Variants in CHLSN observed in about 807,000 individuals in gnomAD.
The protein encoded by CHLSN is cholesin.
the CHLSN span, among the ~76,000 whole-genome samples, chr7:1,122,466 C>G: frequency 2.0e-5 from 3 of 152,206 alleles, no homozygotes; most frequent in African/African-American, 7.2e-5. Context: ...CCTTCCCCCG[C>G]ATACGGCTCC....
the CHLSN span, among the ~76,000 whole-genome samples, chr7:1,005,381 T>C: frequency 6.6e-6 from 1 of 152,222 alleles, no homozygotes; most frequent in African/African-American, 2.4e-5. Flanking sequence ...TGAGACAGCA[T>C]CTGAAGCCGG....
the CHLSN span, among the ~76,000 whole-genome samples, chr7:1,010,401 C>T: frequency 6.6e-6 from 1 of 152,236 alleles, no homozygotes; most frequent in Non-Finnish European, 1.5e-5. Context: ...CCTTCCCCAC[C>T]CCCGTGGTCC....
At chr7:1,122,272 G>C in the CHLSN span, among the ~76,000 whole-genome samples, 4 of 152,216 alleles carry the variant, frequency 2.6e-5, no homozygotes, top group Non-Finnish European at 4.4e-5. Flanking sequence ...GGATTCTTAC[G>C]AGGCAGAGGA....
the CHLSN span, among the ~76,000 whole-genome samples, chr7:1,112,908 G>A: frequency 8.3e-3 from 1,257 of 152,246 alleles, 10 homozygotes; most frequent in Non-Finnish European, 0.012. Context: ...CGATGGAAAC[G>A]TATGCTCAGG....
At chr7:1,112,786 T>C in the CHLSN span, among the ~76,000 whole-genome samples, 1 of 151,046 alleles carries the variant, frequency 6.6e-6, no homozygotes, top group Non-Finnish European at 1.5e-5. Flanking sequence ...GTGCTTGCAG[T>C]GCGAACGCAA....
the CHLSN span, among the ~76,000 whole-genome samples, chr7:1,105,192 A>G: frequency 6.6e-6 from 1 of 152,206 alleles, no homozygotes; most frequent in Non-Finnish European, 1.5e-5. Flanking sequence ...CTGGAATAAA[A>G]TCTCACTTCA....
the CHLSN span, among the ~76,000 whole-genome samples, chr7:1,016,656 CAG>C: frequency 5.3e-4 from 37 of 70,216 alleles, no homozygotes; most frequent in African/African-American, 1.4e-3. Context: ...CAGCAGCACA[CAG>C]CAGCGCACAG....
the CHLSN span, among the ~76,000 whole-genome samples, chr7:1,055,684 C>T: frequency 1.3e-5 from 2 of 152,172 alleles, no homozygotes; most frequent in African/African-American, 4.8e-5. Flanking sequence ...GGTCCCGGCC[C>T]TTGGCAAGCT....
the CHLSN span, chr7:988,551 TGTGCTC>T: frequency 1.3e-6 from 2 of 1,597,800 alleles, no homozygotes; most frequent in Non-Finnish European, 1.7e-6. Flanking sequence ...TGGCTGCTCC[TGTGCTC>T]CCCTGGGGAG....
the CHLSN span, among the ~76,000 whole-genome samples, chr7:1,090,472 C>T: frequency 9.9e-5 from 15 of 151,596 alleles, 1 homozygote; most frequent in Middle Eastern, 3.4e-3. Context: ...CAGGGTGACA[C>T]GGGGTGGGTG....
chr7:1,032,638 A>AC, the CHLSN span, among the ~76,000 whole-genome samples: 128 of 147,174 alleles, frequency 8.7e-4, no homozygotes, highest in African/African-American at 3.0e-3. Flanking sequence ...ACCTCCAGGC[A>AC]CCCCCAGGTG....
the CHLSN span, among the ~76,000 whole-genome samples, chr7:1,135,956 T>TAAGTATATATAAATATATAA: frequency 8.7e-6 from 1 of 115,014 alleles, no homozygotes; most frequent in African/African-American, 3.7e-5. Flanking sequence ...TAAATATATA[T>TAAGTATATATAAATATATAA]AAATATATAT....
the CHLSN span, among the ~76,000 whole-genome samples, chr7:1,016,894 G>GCACGCCAGCA: frequency 1.5e-5 from 1 of 64,914 alleles, no homozygotes; most frequent in African/African-American, 1.1e-4. Flanking sequence ...ACACACCAGC[G>GCACGCCAGCA]CACAGCAGCA....
the CHLSN span, among the ~76,000 whole-genome samples, chr7:1,022,276 C>T: frequency 6.6e-6 from 1 of 152,194 alleles, no homozygotes; most frequent in African/African-American, 2.4e-5. Context: ...ACCACGAGCT[C>T]CTCTTTCTCC....
chr7:1,112,472 G>A, the CHLSN span, among the ~76,000 whole-genome samples: 5 of 152,222 alleles, frequency 3.3e-5, no homozygotes, highest in Non-Finnish European at 7.3e-5. Flanking sequence ...AGAGACCACA[G>A]GAGTGCCCCA....
the CHLSN span, among the ~76,000 whole-genome samples, chr7:1,074,268 C>T: frequency 1.8e-5 from 2 of 110,838 alleles, no homozygotes; most frequent in East Asian, 4.9e-4. Context: ...TGCCGTGACA[C>T]CCCCCGGCCC....
the CHLSN span, among the ~76,000 whole-genome samples, chr7:1,066,309 C>T: frequency 6.6e-6 from 1 of 152,250 alleles, no homozygotes; most frequent in Non-Finnish European, 1.5e-5. Context: ...GGCGGGGCTC[C>T]TACGGGACCC....
chr7:1,013,470 G>A, the CHLSN span, among the ~76,000 whole-genome samples: 1 of 152,184 alleles, frequency 6.6e-6, no homozygotes. Flanking sequence ...GCAGCCAGGG[G>A]TGACTCCAGG....
At chr7:1,070,853 GACATGCACACGGGTGCGCACACGTGC>G in the CHLSN span, among the ~76,000 whole-genome samples, 1 of 135,242 alleles carries the variant, frequency 7.4e-6, no homozygotes, top group Non-Finnish European at 1.5e-5. Flanking sequence ...CGTGCACACG[GACATGCACACGGGTGCGCACACGTGC>G]ACATGCACAC....
Sources: allele counts gnomAD v4.1 joint callset (sites outside exome capture counted in the v4.1 genomes callset), GRCh38; gene constraint gnomAD v4.1.1; transcripts MANE v1.5; gene names NCBI Gene and HGNC (gene_info 2026-07-23, HGNC 2026-07-21).